CATSPERE: variants seen among roughly 807,000 people sequenced by gnomAD.
CATSPERE encodes the protein cation channel sperm-associated auxiliary subunit epsilon.
In CATSPERE, 93 loss-of-function variants were observed where a neutral mutation model predicts 114.1. That is an observed-to-expected ratio of 0.81 (90% CI 0.69 to 0.97). The LOEUF is 0.97. Among genes scored for constraint, CATSPERE ranks in the 50% least tolerant of loss-of-function variants. The pLI is 0.00. For missense variants in CATSPERE, 1,058 were observed against 1,131.6 expected (o/e 0.93, Z 0.93); for synonymous variants, 341 against 384.1 (o/e 0.89, Z 1.31).
At chr1:244,498,913 T>C in intron 6 of CATSPERE, 89 bp from the exon 7 acceptor site, 1 of 986,524 alleles carries the variant, frequency 1.0e-6, no homozygotes. Flanking sequence ...AATAAAAAAA[T>C]AAAAACATGT....
At chr1:244,546,252 GC>G (rs1659734846) in intron 8 of CATSPERE, among the ~76,000 whole-genome samples, 1 of 152,140 alleles carries the variant, frequency 6.6e-6, no homozygotes, top group South Asian at 2.1e-4. Flanking sequence ...GGCTTAAGGT[GC>G]CCCCCAGTGT....
intron 11 of CATSPERE, among the ~76,000 whole-genome samples, chr1:244,578,634 T>C (rs1665649716): frequency 6.6e-6 from 1 of 151,540 alleles, no homozygotes; most frequent in Non-Finnish European, 1.5e-5. Flanking sequence ...ACACATTTAC[T>C]GTAGACCTCA....
upstream of CATSPERE, chr1:244,451,866 G>A: frequency 1.3e-6 from 2 of 1,496,310 alleles, no homozygotes; most frequent in Non-Finnish European, 1.8e-6. This position sits in a 1 kb window ranked among gnomAD's most constrained non-coding sequence, Gnocchi z 6.6. Context: ...CCGGCGAGGA[G>A]TGAGCGAACT....
intron 5 of CATSPERE, among the ~76,000 whole-genome samples, chr1:244,480,637 T>C (rs1558336157): frequency 1.8e-5 from 1 of 54,336 alleles, no homozygotes; most frequent in South Asian, 4.9e-4. Flanking sequence ...AGCATGGTTG[T>C]TGCTGATAGT....
intron 6 of CATSPERE, among the ~76,000 whole-genome samples, chr1:244,490,938 C>G (rs1361280388): frequency 6.6e-6 from 1 of 151,874 alleles, no homozygotes; most frequent in Non-Finnish European, 1.5e-5. Flanking sequence ...ATAGTAAATA[C>G]AGGTGGATCT....
chr1:244,515,117 T>A lies in CATSPERE; in HGVS notation c.430-3475T>A, dbSNP rs144812949. Among the ~76,000 whole-genome samples the A allele has an allele frequency of 6.4e-3, 974 of 152,354 alleles. 8 individuals are homozygous for A. The highest frequency in any genetic ancestry group is 0.01 in the Non-Finnish European group (683 of 68,036). The stretch of plus-strand genomic sequence containing the variant: ...ACTTATTTTCCAAAGCATACAATGC[T>A]TAGCATGATGTAGCCCTTGCCTATC... On this transcript the variant is annotated intron_variant, in intron 7 of 21. Coordinates refer to ENST00000366534, the MANE Select transcript of CATSPERE (RefSeq NM_001130957.2).
chr1:244,615,492 G>A (rs1308051992), intron 19 of CATSPERE, among the ~76,000 whole-genome samples: 1 of 151,430 alleles, frequency 6.6e-6, no homozygotes, highest in Non-Finnish European at 1.5e-5. Flanking sequence ...AGGCGGTGTA[G>A]CCTACTAGAT....
chr1:244,506,751 CT>C (rs1306441987), intron 7 of CATSPERE, among the ~76,000 whole-genome samples: 11 of 151,318 alleles, frequency 7.3e-5, no homozygotes, highest in South Asian at 6.3e-4. Flanking sequence ...AAACATTTAT[CT>C]TTTTTTTTGT....
At chr1:244,614,363 A>G (rs1449075708) in intron 19 of CATSPERE, among the ~76,000 whole-genome samples, 3 of 152,164 alleles carry the variant, frequency 2.0e-5, no homozygotes, top group Non-Finnish European at 4.4e-5. Context: ...ATGAGCACAC[A>G]ACACACTTAG....
chr1:244,616,643 G>C (rs1010090823), intron 19 of CATSPERE, among the ~76,000 whole-genome samples: 1 of 152,174 alleles, frequency 6.6e-6, no homozygotes, highest in South Asian at 2.1e-4. Context: ...AACCCACTCC[G>C]TGACAACGGC....
chr1:244,593,461 A>G, intron 16 of CATSPERE, 33 bp downstream of exon 16: 1 of 1,613,554 alleles, frequency 6.2e-7, no homozygotes, highest in Non-Finnish European at 8.5e-7. Context: ...TCAATGGACC[A>G]AATATATAAA....
rs146798121 is a variant in CATSPERE, at chr1:244,602,568, C to T, written c.2304-3127C>T. Among the ~76,000 whole-genome samples, 96 of 152,288 alleles carry T rather than the reference C, an allele frequency of 6.3e-4. 2 individuals carry two copies. The East Asian group carries it at 0.013, about 20-fold the overall frequency. On this transcript the variant is annotated intron_variant, in intron 17 of 21. Transcript: ENST00000366534. ...CCAACACTCATAAGAAGGAAGCCAG[C>T]CCTGGGAGTGTGATCTAGCTGGGAA...
chr1:244,499,330 T>A (rs987029580), intron 7 of CATSPERE, among the ~76,000 whole-genome samples: 7 of 152,206 alleles, frequency 4.6e-5, no homozygotes, highest in Non-Finnish European at 8.8e-5. Context: ...TTTATTTATT[T>A]ATTTTTAAAT....
At chr1:244,519,623 A>G (rs1236150844) in intron 8 of CATSPERE, among the ~76,000 whole-genome samples, 3 of 152,184 alleles carry the variant, frequency 2.0e-5, no homozygotes, top group African/African-American at 4.8e-5. Flanking sequence ...AGTGTGCCCT[A>G]CAATGGGATG....
chr1:244,460,013 A>G (rs924207397), upstream of CATSPERE, among the ~76,000 whole-genome samples: 4 of 152,228 alleles, frequency 2.6e-5, no homozygotes, highest in African/African-American at 9.6e-5. Flanking sequence ...AAGGATTGAA[A>G]CCATCTTTGC....
chr1:244,554,422 C>T (rs1046627231), intron 9 of CATSPERE, among the ~76,000 whole-genome samples: 1 of 152,032 alleles, frequency 6.6e-6, no homozygotes, highest in African/African-American at 2.4e-5. Context: ...TGCAGCACTT[C>T]GGGAGGCCAA....
intron 8 of CATSPERE, among the ~76,000 whole-genome samples, chr1:244,534,900 C>T (rs548144646): frequency 3.2e-4 from 49 of 152,228 alleles, no homozygotes; most frequent in African/African-American, 1.1e-3. Context: ...TTGTCTTTAC[C>T]TATCCTTCTT....
At position 244,575,072 on chromosome 1, in the gene CATSPERE, A is replaced by C. The variant is rs1165159161; in HGVS notation, c.1950+2300A>C. Among the ~76,000 whole-genome samples, 2 of 150,410 alleles carry C rather than the reference A, an allele frequency of 1.3e-5. No individual in the cohort carries two copies. The highest frequency in any genetic ancestry group is 3.0e-5 in the Non-Finnish European group (2 of 67,620). On this transcript the variant is annotated intron_variant, in intron 11 of 21. Transcript: ENST00000366534. This position sits in a 1 kb window ranked among gnomAD's most constrained non-coding sequence, Gnocchi z 4.5. The stretch of plus-strand genomic sequence containing the variant: ...CGCTGTCTCCCTCCTGAGTTCTCCC[A>C]CTCTTGCAGCTGGCAGGGCCAGGCA...
At chr1:244,497,653 C>T (rs1192502483) in intron 6 of CATSPERE, among the ~76,000 whole-genome samples, 3 of 152,006 alleles carry the variant, frequency 2.0e-5, no homozygotes, top group Non-Finnish European at 4.4e-5. Flanking sequence ...AAAAAATAGC[C>T]GGGCATGGTG....
Sources: gnomAD v4.1 joint callset for allele counts (sites outside exome capture counted in the v4.1 genomes callset) on GRCh38, gnomAD v4.1.1 for gene constraint, Gnocchi (gnomAD v3.1) non-coding constraint, MANE v1.5 for transcripts, NCBI Gene and HGNC (gene_info 2026-07-23, HGNC 2026-07-21) for gene names.